The following CYP4F12 variants were observed in gnomAD, a reference collection of about 807,000 sequenced individuals.
CYP4F12 encodes the protein cytochrome P450 4F12.
In CYP4F12, 60 loss-of-function variants were observed where a neutral mutation model predicts 56.5. The observed-to-expected ratio is 1.06, with a 90% CI of 0.86 to 1.32. CYP4F12 has a LOEUF of 1.32. Among genes scored for constraint, CYP4F12 ranks in the 40% most tolerant of loss-of-function variants. CYP4F12 has a pLI of 0.00. For synonymous variants in CYP4F12, 263 were observed against 264.9 expected, an observed-to-expected ratio of 0.99 and a Z score of 0.07; for missense variants, 711 against 683.5, an observed-to-expected ratio of 1.04 and a Z score of -0.45.
rs1201343768 is a variant in CYP4F12 at position 15,680,478 on chromosome 19, T to C, written c.484T>C (p.Ser162Pro). 1.9e-6 allele frequency: 3 copies of C among 1,613,966 alleles called. No homozygotes were observed. The highest frequency in any genetic ancestry group is 2.7e-5 in the African/African-American group (2 of 74,884). The change falls in exon 5 of 13, where the codon TCC (serine) becomes CCC (proline). Residue 162 changes from serine (S) to proline (P), a missense_variant. Ser to Pro is a moderately conservative substitution (Grantham distance 74). Coordinates refer to ENST00000550308, the MANE Select transcript of CYP4F12 (RefSeq NM_023944.4). Reference sequence around the variant, plus strand: ...CGCCTTCCATTTCAACATCCTGAAGTCCTATATAACGATCTTCAACAAGAG... The same window carrying C: ...CGCCTTCCATTTCAACATCCTGAAGCCCTATATAACGATCTTCAACAAGAG... ...TPAFHFNILKSYITIFNKSAN... is the reference protein window; with the variant it reads ...TPAFHFNILKPYITIFNKSAN...
Position 15,684,211 on chromosome 19 carries a change from G to A in CYP4F12, c.918+448G>A, listed in dbSNP as rs140677434. ...TGCACAAGAATTTGCACCAAGGAGAGGGGCCCCCACATTATGAGTATTATA... is the reference window on the plus strand; with the variant it reads ...TGCACAAGAATTTGCACCAAGGAGAAGGGCCCCCACATTATGAGTATTATA... On this transcript the variant is annotated intron_variant, in intron 7 of 12. Transcript: ENST00000550308. 1,196 of 155,776 alleles carry A rather than the reference G, an allele frequency of 7.7e-3. 10 individuals carry two copies. The highest frequency in any genetic ancestry group is 0.028 in the African/African-American group (1,134 of 40,598). 9.6% of individuals were successfully genotyped at this position (155,776 alleles called of 1,614,324 possible).
chr19:15,675,413 T>C (rs1414590517), intron 2 of CYP4F12, among the ~76,000 whole-genome samples: 2 of 152,148 alleles, frequency 1.3e-5, no homozygotes, highest in Non-Finnish European at 2.9e-5. Flanking sequence ...CTGCTGAGAA[T>C]GGAGGGCCCT....
intron 9 of CYP4F12, among the ~76,000 whole-genome samples, chr19:15,685,852 G>T (rs659447): frequency 3.9e-5 from 6 of 152,042 alleles, no homozygotes; most frequent in African/African-American, 1.4e-4. Context: ...CCTACCCTCC[G>T]GTCCAGTCCA....
At chr19:15,692,542 T>C (rs925761129) in intron 9 of CYP4F12, among the ~76,000 whole-genome samples, 5 of 151,542 alleles carry the variant, frequency 3.3e-5, no homozygotes, top group Admixed American at 1.3e-4. Context: ...AGAAAAAATA[T>C]AGATAATTAA....
chr19:15,686,722 A>G (rs649139), intron 9 of CYP4F12, among the ~76,000 whole-genome samples: 43,047 of 151,898 alleles, frequency 0.28, 6,644 homozygotes, highest in African/African-American at 0.4. Context: ...ATATCTGGGC[A>G]CCAGAAAGAT....
chr19:15,682,744 G>A (rs1323762517), intron 6 of CYP4F12, among the ~76,000 whole-genome samples: 1 of 152,218 alleles, frequency 6.6e-6, no homozygotes, highest in Non-Finnish European at 1.5e-5. Flanking sequence ...AAATGAGGTT[G>A]TGGAAGTAGG....
At position 15,697,032 on chromosome 19, in the gene CYP4F12, G is replaced by T; in HGVS notation, c.1522G>T (p.Ala508Ser). The T allele has an allele frequency of 1.2e-6, 2 of 1,614,166 alleles. No homozygotes were observed. Among genetic ancestry groups the T allele is most frequent in the Non-Finnish European group, 1.7e-6 (2 of 1,179,960 alleles). Residue 508 changes from alanine to serine, a missense_variant, in exon 13 of 13, where the codon GCC (alanine) becomes TCC (serine). By Grantham distance (99) the Ala-to-Ser change is moderately conservative. Coordinates refer to ENST00000550308, the MANE Select transcript of CYP4F12 (RefSeq NM_023944.4). The stretch of plus-strand genomic sequence containing the variant: ...CAGGAAGCTGGAATTGATCATGCGC[G>T]CCGAGGGCGGGCTTTGGCTGCGGGT... ...PRRKLELIMRAEGGLWLRVEP... is the reference protein window; with the variant it reads ...PRRKLELIMRSEGGLWLRVEP...
chr19:15,685,497 A>G (rs548258878), intron 9 of CYP4F12, among the ~76,000 whole-genome samples: 3 of 152,324 alleles, frequency 2.0e-5, no homozygotes, highest in Admixed American at 2.0e-4. Context: ...TTCTCCCAGA[A>G]ATATCAGTTT....
chr19:15,682,573 G>T, intron 6 of CYP4F12, 63 bp downstream of exon 6: 1 of 1,602,280 alleles, frequency 6.2e-7, no homozygotes, highest in East Asian at 2.3e-5. Flanking sequence ...GTTGGGGAGG[G>T]AGGAATGAGC....
At chr19:15,692,586 G>A (rs2007921679) in intron 9 of CYP4F12, among the ~76,000 whole-genome samples, 1 of 152,054 alleles carries the variant, frequency 6.6e-6, no homozygotes, top group Non-Finnish European at 1.5e-5. Context: ...AAAGCCTTCT[G>A]GAAAAAAGGC....
At chr19:15,683,851 G>A (rs1047932148) in intron 7 of CYP4F12, 88 bp downstream of exon 7, 26 of 1,458,534 alleles carry the variant, frequency 1.8e-5, no homozygotes, top group Non-Finnish European at 2.2e-5. Flanking sequence ...GATCCAAAGG[G>A]CACTGGGAGC....
In CYP4F12 at chr19:15,678,410, C is replaced by T. The variant is rs1308119856; in HGVS notation, c.343+5C>T. On this transcript the variant is annotated splice_donor_5th_base_variant and intron_variant, in intron 3 of 12. Transcript: ENST00000550308. ...GGTCTATCACCAATGCCTCAGGTACCCATGCAGAGCTTGTGGTGGTGGGTG... is the reference window on the plus strand; with the variant it reads ...GGTCTATCACCAATGCCTCAGGTACTCATGCAGAGCTTGTGGTGGTGGGTG... 6.2e-7 allele frequency: 1 copy of T among 1,614,070 alleles called. No individual in the cohort carries two copies. The highest frequency in any genetic ancestry group is 1.1e-5 in the South Asian group (1 of 91,074).
chr19:15,681,226 GAAAGTCA>G (rs1183427378), intron 5 of CYP4F12: 61 of 153,682 alleles, frequency 4.0e-4, no homozygotes, highest in African/African-American at 1.5e-3. Context: ...AAAGAAAGTC[GAAAGTCA>G]AAAGTCCAGT....
chr19:15,697,136 T>G lies in CYP4F12; in HGVS notation c.*51T>G, dbSNP rs1485796409. 6.4e-7 allele frequency: 1 copy of G among 1,571,346 alleles called. No homozygotes were observed. The highest frequency in any genetic ancestry group is 1.4e-5 in the African/African-American group (1 of 74,054). ...TTGCAGATTGTCATGAATAAAACGG[T>G]GCTGTCACCTCTGCCTGGGCCTCAC... On this transcript the variant is annotated 3_prime_UTR_variant, in exon 13 of 13. Coordinates refer to ENST00000550308, the MANE Select transcript of CYP4F12 (RefSeq NM_023944.4).
chr19:15,696,830 T>A (rs1200014329), intron 12 of CYP4F12, 78 bp from the exon 13 acceptor site: 1 of 1,498,228 alleles, frequency 6.7e-7, no homozygotes, highest in Non-Finnish European at 8.9e-7. Flanking sequence ...CAGTTGGGGG[T>A]CCCAGGCCAG....
intron 9 of CYP4F12, among the ~76,000 whole-genome samples, chr19:15,690,878 G>T (rs534223583): frequency 6.6e-6 from 1 of 152,262 alleles, no homozygotes; most frequent in Admixed American, 6.5e-5. Flanking sequence ...CTATCTGTCT[G>T]TCTGTTTACA....
chr19:15,685,398 T>C (rs1870663335), intron 9 of CYP4F12, among the ~76,000 whole-genome samples: 1 of 152,164 alleles, frequency 6.6e-6, no homozygotes, highest in Non-Finnish European at 1.5e-5. Flanking sequence ...AGACCCGGGC[T>C]GCTAAGAGAA....
chr19:15,688,931 A>G lies in CYP4F12; in HGVS notation c.1115+3734A>G, dbSNP rs1460616845. 3.9e-5 allele frequency among the ~76,000 whole-genome samples: 6 copies of G among 152,294 alleles called. No individual in the cohort carries two copies. In the South Asian group the frequency reaches 1.2e-3, roughly 32 times the overall value. ...TGTAGAAAAATGAAACTGCATCCCCATCTCTCACCTTGTACAAAAATCAAA... is the reference window on the plus strand; with the variant it reads ...TGTAGAAAAATGAAACTGCATCCCCGTCTCTCACCTTGTACAAAAATCAAA... On this transcript the variant is annotated intron_variant, in intron 9 of 12. Coordinates refer to ENST00000550308, the MANE Select transcript of CYP4F12 (RefSeq NM_023944.4).
In CYP4F12 at chr19:15,684,993, C is replaced by T. The variant is rs2007528771; in HGVS notation, c.986-75C>T. 32 of 1,576,032 alleles carry T rather than the reference C, an allele frequency of 2.0e-5. No individual in the cohort carries two copies. The South Asian group carries it at 3.4e-4, about 17-fold the overall frequency. Reference sequence around the variant, plus strand: ...CTGCCCATCTTCCCCCTCCCTCCATCCTCCTGAGGGCCTCAATATCTGGGC... The same window carrying T: ...CTGCCCATCTTCCCCCTCCCTCCATTCTCCTGAGGGCCTCAATATCTGGGC... On this transcript the variant is annotated intron_variant, in intron 8 of 12. Transcript: ENST00000550308.
Sources: allele counts gnomAD v4.1 joint callset (sites outside exome capture counted in the v4.1 genomes callset), GRCh38; gene constraint gnomAD v4.1.1; transcripts MANE v1.5; gene names NCBI Gene and HGNC (gene_info 2026-07-23, HGNC 2026-07-21).